The following CTNNA3 variants were observed in gnomAD, a reference collection of about 807,000 sequenced individuals.
CTNNA3 encodes catenin alpha 3.
Under a neutral mutation model 95.7 loss-of-function variants are expected in CTNNA3, and 76 were observed. The observed-to-expected ratio is 0.79, with a 90% CI of 0.66 to 0.96. The LOEUF (loss-of-function observed/expected upper bound fraction) is 0.96. Ranked by LOEUF, CTNNA3 falls within the 40% of genes least tolerant of loss-of-function variation. CTNNA3 has a pLI of 0.00. For missense variants in CTNNA3, 1,191 were observed against 1,089.8 expected (o/e 1.09, Z -1.31); for synonymous variants, 431 against 374.4 (o/e 1.15, Z -1.74).
chr10:67,744,630 A>G (rs1841363768), intron 1 of CTNNA3, among the ~76,000 whole-genome samples: 1 of 151,202 alleles, frequency 6.6e-6, no homozygotes, highest in Non-Finnish European at 1.5e-5. Context: ...AAGCAATGGC[A>G]ACAAAAGCCA....
At chr10:67,450,065 T>C (rs762832314) in intron 5 of CTNNA3, among the ~76,000 whole-genome samples, 6 of 152,142 alleles carry the variant, frequency 3.9e-5, no homozygotes, top group Non-Finnish European at 7.3e-5. Flanking sequence ...TCACTGATCA[T>C]TAGAGAAATG....
At chr10:67,744,330 G>T (rs1841361061) in intron 1 of CTNNA3, among the ~76,000 whole-genome samples, 1 of 151,322 alleles carries the variant, frequency 6.6e-6, no homozygotes, top group Admixed American at 6.6e-5. Flanking sequence ...ACAGACCAGA[G>T]CCCTCAGAAA....
intron 3 of CTNNA3, among the ~76,000 whole-genome samples, chr10:67,601,131 T>TA (rs975661449): frequency 1.3e-5 from 2 of 152,220 alleles, no homozygotes; most frequent in Admixed American, 6.5e-5. Flanking sequence ...TTGTTAGAGA[T>TA]AATGTGTGCA....
intron 5 of CTNNA3, among the ~76,000 whole-genome samples, chr10:67,227,034 G>A (rs1158260327): frequency 1.3e-5 from 2 of 151,684 alleles, no homozygotes; most frequent in African/African-American, 2.4e-5. Flanking sequence ...ACTTAAAGGG[G>A]TGGAAAAAGG....
At chr10:67,721,970 C>A (rs1014018435) in intron 1 of CTNNA3, among the ~76,000 whole-genome samples, 14 of 152,098 alleles carry the variant, frequency 9.2e-5, no homozygotes, top group African/African-American at 3.1e-4. Context: ...ACTCTGCTTG[C>A]CTGGGTATCA....
At chr10:66,663,942 A>G (rs1267448763) in intron 9 of CTNNA3, among the ~76,000 whole-genome samples, 1 of 152,094 alleles carries the variant, frequency 6.6e-6, no homozygotes, top group East Asian at 1.9e-4. Context: ...GCTATTACTT[A>G]TATTTTCTCT....
chr10:67,521,269 A>G (rs1335720893), intron 5 of CTNNA3, among the ~76,000 whole-genome samples: 1 of 152,196 alleles, frequency 6.6e-6, no homozygotes, highest in Non-Finnish European at 1.5e-5. Flanking sequence ...ATAAAAGTTT[A>G]TTTCAGCTCT....
In CTNNA3 at chr10:66,232,885, C is replaced by T. The variant is rs113121798; in HGVS notation, c.1884+47585G>A. 2.3e-3 allele frequency among the ~76,000 whole-genome samples: 350 copies of T among 152,120 alleles called. 4 individuals carry two copies. Among genetic ancestry groups the T allele is most frequent in the African/African-American group, 8.2e-3 (339 of 41,496 alleles). The stretch of plus-strand genomic sequence containing the variant: ...TCAACAATCAATTTCAGGCCAGGCG[C>T]GGTGGCTCACGCCTGTAATCCCAGC... On this transcript the variant is annotated intron_variant, in intron 13 of 17. Coordinates refer to ENST00000433211, the MANE Select transcript of CTNNA3 (RefSeq NM_013266.4).
chr10:66,034,073 G>T (rs1232926114), intron 15 of CTNNA3, among the ~76,000 whole-genome samples: 1 of 152,010 alleles, frequency 6.6e-6, no homozygotes, highest in Non-Finnish European at 1.5e-5. Context: ...TTTAGAACAG[G>T]CTTTGAAATG....
chr10:66,761,610 G>A (rs1353969816), intron 9 of CTNNA3, among the ~76,000 whole-genome samples: 4 of 152,070 alleles, frequency 2.6e-5, no homozygotes, highest in Admixed American at 2.6e-4. Flanking sequence ...ATTGATTTTA[G>A]AGAAATATTA....
chr10:66,955,037 T>A (rs2132738519), intron 7 of CTNNA3, among the ~76,000 whole-genome samples: 1 of 152,292 alleles, frequency 6.6e-6, no homozygotes, highest in South Asian at 2.1e-4. Flanking sequence ...TATATAGCAT[T>A]ATCAAAGTCT....
intron 7 of CTNNA3, among the ~76,000 whole-genome samples, chr10:66,958,643 C>T (rs949024524): frequency 6.6e-6 from 1 of 152,034 alleles, no homozygotes; most frequent in African/African-American, 2.4e-5. Context: ...TTAACTCAGC[C>T]GGAACCAGAA....
chr10:66,943,762 C>T (rs61866210), intron 7 of CTNNA3, among the ~76,000 whole-genome samples: 5,579 of 152,164 alleles, frequency 0.037, 139 homozygotes, highest in Middle Eastern at 0.078. Context: ...AAGTGCATAT[C>T]GCAATAAAAT....
intron 5 of CTNNA3, among the ~76,000 whole-genome samples, chr10:67,241,598 G>T (rs7094493): frequency 0.2 from 31,034 of 151,874 alleles, 3,676 homozygotes; most frequent in East Asian, 0.33. Flanking sequence ...GAACATTATG[G>T]TGCATCTCAA....
chr10:67,039,666 A>C (rs937795595), intron 7 of CTNNA3, among the ~76,000 whole-genome samples: 1 of 152,176 alleles, frequency 6.6e-6, no homozygotes, highest in Non-Finnish European at 1.5e-5. Context: ...AAATCATGAC[A>C]GAACACCAGC....
At chr10:66,512,380 G>C (rs879304681) in intron 11 of CTNNA3, among the ~76,000 whole-genome samples, 1 of 152,004 alleles carries the variant, frequency 6.6e-6, no homozygotes, top group African/African-American at 2.4e-5. Flanking sequence ...GGTTGTTATT[G>C]ATAAGATGAG....
Position 67,533,944 on chromosome 10 carries a change from A to G in CTNNA3, c.459+5559T>C, listed in dbSNP as rs1210435514. Among the ~76,000 whole-genome samples, 7 of 152,158 alleles carry G rather than the reference A, an allele frequency of 4.6e-5. 1 individual carries two copies. The highest frequency in any genetic ancestry group is 1.0e-4 in the Non-Finnish European group (7 of 68,026). On this transcript the variant is annotated intron_variant, in intron 4 of 17. Transcript: ENST00000433211. ...TTATGTAAGAAAAGTCATAAGAAGG[A>G]AAATAAGAGTAAGGCCACTTAAAAA...
At chr10:67,216,110 T>C (rs185500676) in intron 6 of CTNNA3, among the ~76,000 whole-genome samples, 1 of 152,306 alleles carries the variant, frequency 6.6e-6, no homozygotes, top group Admixed American at 6.5e-5. Context: ...ATTTCTTCTT[T>C]AGCTTCTAAA....
chr10:66,461,858 G>A (rs55689750), intron 11 of CTNNA3, among the ~76,000 whole-genome samples: 16,687 of 148,688 alleles, frequency 0.11, 1,339 homozygotes, highest in African/African-American at 0.23. Context: ...TGTCACCCAG[G>A]CTGGAGTACA....
Sources: gnomAD v4.1 joint callset for allele counts (sites outside exome capture counted in the v4.1 genomes callset) on GRCh38, gnomAD v4.1.1 for gene constraint, MANE v1.5 for transcripts, NCBI Gene and HGNC (gene_info 2026-07-23, HGNC 2026-07-21) for gene names.